The following UNC93A variants were observed in gnomAD, a reference collection of about 807,000 sequenced individuals.
The protein encoded by UNC93A is unc-93 homolog A, also known as N-acetylglucosamine transporter UNC93A.
Under a neutral mutation model 47.5 loss-of-function variants are expected in UNC93A, and 43 were observed. The ratio of observed to expected loss-of-function variants is 0.91; its 90% confidence interval spans 0.71 to 1.17. UNC93A has a LOEUF of 1.17. Among genes scored for constraint, UNC93A ranks in the 50% most tolerant of loss-of-function variants. The pLI, the probability that UNC93A is intolerant of heterozygous loss-of-function variation, is 0.00. For synonymous variants in UNC93A, 280 were observed against 258.0 expected (o/e 1.09, Z -0.82); for missense variants, 605 against 577.6 (o/e 1.05, Z -0.49).
At position 167,305,941 on chromosome 6, in the gene UNC93A, C is replaced by T. The variant is rs1778374351; in HGVS notation, c.867C>T (p.Ile289=). ...CCTATGTCACCTGCACCCTGGGCAT[C>T]CAGTTCGTCGGCTACGTGATGATCT... is the stretch of plus-strand genomic sequence containing the variant. ...TRSYVTCTLG[I]QFVGYVMICF... The change falls in exon 6 of 8, where the codon ATC becomes ATT. Residue 289 remains isoleucine (I), a synonymous_variant. Coordinates refer to ENST00000230256, the MANE Select transcript of UNC93A (RefSeq NM_018974.4). 1.9e-6 allele frequency: 3 copies of T among 1,613,964 alleles called. No homozygotes were observed. The highest frequency in any genetic ancestry group is 1.3e-5 in the African/African-American group (1 of 74,890).
At chr6:167,285,938 T>TCTCTCTCTCTC in intron 1 of UNC93A, among the ~76,000 whole-genome samples, 1 of 131,776 alleles carries the variant, frequency 7.6e-6, no homozygotes, top group African/African-American at 3.0e-5. Context: ...TTAGTTTTCT[T>TCTCTCTCTCTC]TCTCTCTCTC....
At chr6:167,304,362 A>G (rs1778322821) in intron 5 of UNC93A, among the ~76,000 whole-genome samples, 1 of 152,166 alleles carries the variant, frequency 6.6e-6, no homozygotes, top group African/African-American at 2.4e-5. Context: ...GTCTCAAGGG[A>G]GAACGTCTTG....
chr6:167,313,641 G>T (rs1298836883), intron 7 of UNC93A, among the ~76,000 whole-genome samples: 1 of 152,228 alleles, frequency 6.6e-6, no homozygotes, highest in East Asian at 1.9e-4. Flanking sequence ...TAAAATTAGA[G>T]TTGCCTGTAT....
chr6:167,290,186 A>C (rs1182800710), upstream of UNC93A, among the ~76,000 whole-genome samples: 1 of 152,232 alleles, frequency 6.6e-6, no homozygotes, highest in Admixed American at 6.5e-5. Context: ...ATCTGTTTCC[A>C]TGCTCAGAAT....
At chr6:167,308,533 A>C (rs6933816) in intron 7 of UNC93A, among the ~76,000 whole-genome samples, 92,122 of 151,568 alleles carry the variant, frequency 0.61, 28,297 homozygotes, top group East Asian at 0.78. Context: ...TGCATCACGT[A>C]TGGGCTGACC....
chr6:167,293,033 G>C (rs1343011829), intron 1 of UNC93A, among the ~76,000 whole-genome samples: 1 of 152,174 alleles, frequency 6.6e-6, no homozygotes, highest in African/African-American at 2.4e-5. Context: ...GCTGGAGGGG[G>C]CTGGGAGCTG....
Position 167,297,978 on chromosome 6 carries a change from G to A in UNC93A, c.533G>A (p.Gly178Glu), listed in dbSNP as rs34231081. 5.0e-4 allele frequency: 813 copies of A among 1,613,998 alleles called. 10 individuals carry two copies. In the African/African-American group the frequency reaches 9.8e-3, roughly 19 times the overall value. ...TLPEEQLTSCGASDCLMATTT... is the reference protein window; with the variant it reads ...TLPEEQLTSCEASDCLMATTT... ...CCAGAAGAGCAGCTCACGTCCTGTG[G>A]GGCCAGTGACTGCCTGATGGCCACC... Residue 178 changes from glycine (G) to glutamate (E), a missense_variant, in exon 4 of 8, where the codon GGG (glycine) becomes GAG (glutamate). By Grantham distance (98) the Gly-to-Glu change is moderately conservative. Coordinates refer to ENST00000230256, the MANE Select transcript of UNC93A (RefSeq NM_018974.4).
intron 1 of UNC93A, among the ~76,000 whole-genome samples, chr6:167,275,268 G>A (rs528816786): frequency 6.6e-6 from 1 of 152,360 alleles, no homozygotes; most frequent in African/African-American, 2.4e-5. Context: ...CCTCTGGCAG[G>A]ATGGCCGCTG....
chr6:167,313,937 A>G (rs1166207532), intron 7 of UNC93A, among the ~76,000 whole-genome samples: 1 of 152,190 alleles, frequency 6.6e-6, no homozygotes. Flanking sequence ...CAATGTGCAG[A>G]CTGTGGGACA....
At chr6:167,301,935 C>T (rs1455291195) in intron 4 of UNC93A, among the ~76,000 whole-genome samples, 2 of 152,230 alleles carry the variant, frequency 1.3e-5, no homozygotes, top group African/African-American at 2.4e-5. Context: ...GCCAGGACAA[C>T]ACAGAGGAAA....
rs62438489 is a variant in UNC93A at position 167,295,699 on chromosome 6, C to A, written c.270-333C>A. 9.1e-4 allele frequency among the ~76,000 whole-genome samples: 109 copies of A among 120,346 alleles called. 6 individuals are homozygous for A. Among genetic ancestry groups the A allele is most frequent in the East Asian group, 3.7e-3 (13 of 3,498 alleles). 79.0% of individuals were successfully genotyped at this position (120,346 alleles called of 152,430 possible). ...CCTCGTGCTCCTCGCCTGCCTCGTG[C>A]TCCTCGCCTCCCTCGTGCTCCTCGC... is the stretch of plus-strand genomic sequence containing the variant. On this transcript the variant is annotated intron_variant, in intron 2 of 7. Transcript: ENST00000230256.
intron 2 of UNC93A, among the ~76,000 whole-genome samples, chr6:167,295,794 C>T (rs775462577): frequency 6.6e-5 from 10 of 152,260 alleles, no homozygotes; most frequent in Non-Finnish European, 1.5e-4. Context: ...ATACAAGGAG[C>T]CTCACTGGCT....
At chr6:167,288,107 G>A (rs572142029), upstream of UNC93A, among the ~76,000 whole-genome samples, 3 of 152,280 alleles carry the variant, frequency 2.0e-5, no homozygotes, top group South Asian at 4.1e-4. Context: ...GAAGCTGGGA[G>A]GATTCACAAA....
intron 7 of UNC93A, among the ~76,000 whole-genome samples, chr6:167,310,048 T>C (rs1778514329): frequency 6.6e-6 from 1 of 152,186 alleles, no homozygotes; most frequent in Non-Finnish European, 1.5e-5. Flanking sequence ...CAGTGCAGAA[T>C]TATAAGCTAG....
chr6:167,304,825 C>T (rs1778336927), intron 5 of UNC93A, among the ~76,000 whole-genome samples: 2 of 152,340 alleles, frequency 1.3e-5, no homozygotes, highest in South Asian at 4.1e-4. Flanking sequence ...CTGCCTCGGC[C>T]TCCCAAAGTG....
At chr6:167,277,746 T>C (rs189518099) in intron 1 of UNC93A, among the ~76,000 whole-genome samples, 102 of 152,244 alleles carry the variant, frequency 6.7e-4, no homozygotes, top group Non-Finnish European at 1.2e-3. Context: ...TTTCTGTCTC[T>C]CTGGCTATCT....
In UNC93A at chr6:167,285,238, G is replaced by T. The variant is rs142932578; in HGVS notation, c.-51-6201G>T. On this transcript the variant is annotated intron_variant, in intron 1 of 3. Transcript: ENST00000503433. ...GCTGGCCCTGAGCCATGGCATTTAG[G>T]CCAAGGGGAGGGGCCCTGGCTGGCA... Among the ~76,000 whole-genome samples, 146 of 152,026 alleles carry T rather than the reference G, an allele frequency of 9.6e-4. 6 individuals carry two copies. In the East Asian group the frequency reaches 0.027, roughly 29 times the overall value.
chr6:167,302,283 A>G (rs12665714), intron 4 of UNC93A, among the ~76,000 whole-genome samples: 1 of 152,004 alleles, frequency 6.6e-6, no homozygotes, highest in Non-Finnish European at 1.5e-5. Context: ...ACACGAGGAC[A>G]CTGATGCTGA....
At chr6:167,279,702 T>C (rs916525638) in intron 1 of UNC93A, among the ~76,000 whole-genome samples, 12 of 152,178 alleles carry the variant, frequency 7.9e-5, no homozygotes, top group African/African-American at 2.7e-4. Context: ...CTCATGGAAT[T>C]TTCCACAGAA....
Sources: gnomAD v4.1 joint callset for allele counts (sites outside exome capture counted in the v4.1 genomes callset) on GRCh38, gnomAD v4.1.1 for gene constraint, MANE v1.5 for transcripts, NCBI Gene and HGNC (gene_info 2026-07-23, HGNC 2026-07-21) for gene names.